DGKB: variants seen among roughly 807,000 people sequenced by gnomAD.
DGKB encodes diacylglycerol kinase beta, also known as 90 kDa diacylglycerol kinase.
A neutral mutation model predicts 114.3 loss-of-function variants in DGKB; 67 were observed. The observed-to-expected ratio is 0.59, with a 90% CI of 0.48 to 0.72. The LOEUF (loss-of-function observed/expected upper bound fraction) is 0.72, where lower values mean the gene tolerates loss of function less well. Among genes scored for constraint, DGKB ranks in the 30% least tolerant of loss-of-function variants. DGKB has a pLI of 0.00. For synonymous variants in DGKB, 398 were observed against 323.1 expected (o/e 1.23, Z -2.49); for missense variants, 907 against 975.2 (o/e 0.93, Z 0.93).
At chr7:14,750,799 T>TTTC (rs1833999492) in intron 4 of DGKB, among the ~76,000 whole-genome samples, 1 of 129,066 alleles carries the variant, frequency 7.7e-6, no homozygotes, top group African/African-American at 3.3e-5. Flanking sequence ...ATTTCTTTTT[T>TTTC]TTTTTTTTTT....
chr7:14,555,606 G>A (rs1340156988), intron 20 of DGKB, among the ~76,000 whole-genome samples: 1 of 152,126 alleles, frequency 6.6e-6, no homozygotes, highest in East Asian at 1.9e-4. Flanking sequence ...ATAGGAGTAA[G>A]GTAAAATAAG....
intron 23 of DGKB, among the ~76,000 whole-genome samples, chr7:14,199,109 TAC>T (rs1785449846): frequency 6.6e-6 from 1 of 152,010 alleles, no homozygotes; most frequent in Admixed American, 6.6e-5. Flanking sequence ...TCCAATCAGT[TAC>T]ATAGTAATTT....
intron 23 of DGKB, among the ~76,000 whole-genome samples, chr7:14,264,310 A>G (rs1264586025): frequency 4.6e-5 from 7 of 152,202 alleles, no homozygotes; most frequent in African/African-American, 1.4e-4. Context: ...GAAATAGCCA[A>G]ACCACACGCT....
chr7:14,904,414 T>G (rs1412949073), upstream of DGKB, among the ~76,000 whole-genome samples: 1 of 152,072 alleles, frequency 6.6e-6, no homozygotes, highest in Non-Finnish European at 1.5e-5. Context: ...GTAATCAGGG[T>G]TAATCAGGGT....
chr7:14,538,172 G>A (rs1792849432), intron 20 of DGKB, among the ~76,000 whole-genome samples: 1 of 149,660 alleles, frequency 6.7e-6, no homozygotes, highest in African/African-American at 2.4e-5. Flanking sequence ...AAAATGAAAT[G>A]GTACTCTATG....
At chr7:14,565,389 G>C (rs1207441900) in intron 20 of DGKB, among the ~76,000 whole-genome samples, 2 of 152,100 alleles carry the variant, frequency 1.3e-5, no homozygotes, top group Non-Finnish European at 2.9e-5. Context: ...ATAATAAAAT[G>C]GTTAGCATAT....
At chr7:14,486,327 T>C (rs1783800376) in intron 20 of DGKB, among the ~76,000 whole-genome samples, 1 of 152,226 alleles carries the variant, frequency 6.6e-6, no homozygotes, top group African/African-American at 2.4e-5. Context: ...GAGGAAAGTT[T>C]ACTCTTTTTA....
At chr7:14,204,539 A>T (rs1025966282) in intron 23 of DGKB, among the ~76,000 whole-genome samples, 42 of 152,158 alleles carry the variant, frequency 2.8e-4, no homozygotes, top group Middle Eastern at 3.4e-3. Context: ...GGAAACATAC[A>T]ACGGCTGAGA....
intron 13 of DGKB, 82 bp downstream of exon 13, chr7:14,672,847 T>C: frequency 1.3e-6 from 1 of 754,710 alleles, no homozygotes; most frequent in Non-Finnish European, 2.1e-6. Context: ...TGAAAAATTA[T>C]CTCTAGAAGC....
intron 1 of DGKB, among the ~76,000 whole-genome samples, chr7:14,898,384 C>A (rs1403927071): frequency 2.0e-5 from 3 of 151,976 alleles, no homozygotes; most frequent in Non-Finnish European, 4.4e-5. Context: ...GGGTTCAAAC[C>A]CCGGCTCTAT....
At chr7:14,787,752 C>T (rs1195553127) in intron 2 of DGKB, among the ~76,000 whole-genome samples, 1 of 152,162 alleles carries the variant, frequency 6.6e-6, no homozygotes, top group Non-Finnish European at 1.5e-5. Context: ...GTGAGCATAC[C>T]CCCAGTGATT....
intron 23 of DGKB, among the ~76,000 whole-genome samples, chr7:14,284,952 G>A (rs1303077289): frequency 1.3e-5 from 2 of 151,550 alleles, no homozygotes; most frequent in Admixed American, 1.3e-4. Context: ...CATGGCACAT[G>A]TATATGTATG....
In DGKB at chr7:14,146,814, C is replaced by G. The variant is rs1432387051; in HGVS notation, c.*2317G>C. The G allele has an allele frequency of 6.6e-6, 1 of 152,096 alleles. No individual in the cohort carries two copies. Among genetic ancestry groups the G allele is most frequent in the East Asian group, 1.9e-4 (1 of 5,180 alleles). The allele number at this position is 152,096 out of a possible 1,614,324, so 9.4% of individuals were successfully genotyped here. A position where few individuals can be genotyped will look rare whatever the true frequency, so the allele number is the denominator to read the frequency against. On this transcript the variant is annotated 3_prime_UTR_variant, in exon 26 of 26. Transcript: ENST00000402815. ...ATTAGCACTAATTGTAGTTATACAG[C>G]TACACTGAAGTGAAGCTGCATCCCA...
Position 14,577,433 on chromosome 7 carries a change from C to T in DGKB, c.1610-3061G>A, listed in dbSNP as rs557036656. Reference sequence around the variant, plus strand: ...GAGATCAAGACCATTCTGGCTAACACGGTGAAACCCTGTCTCTACTAAAAG... The same window carrying T: ...GAGATCAAGACCATTCTGGCTAACATGGTGAAACCCTGTCTCTACTAAAAG... On this transcript the variant is annotated intron_variant, in intron 19 of 25. Coordinates refer to ENST00000402815, the MANE Select transcript of DGKB (RefSeq NM_001350709.2). Among the ~76,000 whole-genome samples, 27 of 152,136 alleles carry T rather than the reference C, an allele frequency of 1.8e-4. No homozygotes were observed. The South Asian group carries it at 5.0e-3, about 28-fold the overall frequency.
intron 20 of DGKB, among the ~76,000 whole-genome samples, chr7:14,571,682 C>T (rs528668397): frequency 3.9e-5 from 6 of 152,182 alleles, no homozygotes; most frequent in East Asian, 1.9e-4. Context: ...GCGGAAGAGA[C>T]GAAAGAAAGG....
At chr7:14,775,463 A>C (rs1181646800) in intron 2 of DGKB, among the ~76,000 whole-genome samples, 1 of 149,860 alleles carries the variant, frequency 6.7e-6, no homozygotes, top group African/African-American at 2.4e-5. Flanking sequence ...TGCCATTGAA[A>C]GTGAAGGCCA....
intron 2 of DGKB, among the ~76,000 whole-genome samples, chr7:14,785,893 C>CT (rs367579936): frequency 0.065 from 9,126 of 140,588 alleles, 352 homozygotes; most frequent in Admixed American, 0.12. Flanking sequence ...AGAAGTTTTT[C>CT]TTTTTTTTTT....
At chr7:14,592,935 C>T (rs1029910659) in intron 17 of DGKB, among the ~76,000 whole-genome samples, 2 of 151,762 alleles carry the variant, frequency 1.3e-5, no homozygotes, top group African/African-American at 2.4e-5. Context: ...TCAACAAATT[C>T]GTTTAGAGTT....
intron 25 of DGKB, among the ~76,000 whole-genome samples, chr7:14,161,787 C>T (rs1438727505): frequency 6.6e-6 from 1 of 151,792 alleles, no homozygotes; most frequent in East Asian, 1.9e-4. Flanking sequence ...GCACATTCTG[C>T]ACATGGATCC....
Sources: allele counts gnomAD v4.1 joint callset (sites outside exome capture counted in the v4.1 genomes callset), GRCh38; gene constraint gnomAD v4.1.1; transcripts MANE v1.5; gene names NCBI Gene and HGNC (gene_info 2026-07-23, HGNC 2026-07-21).